AFF1: variants seen among roughly 807,000 people sequenced by gnomAD.
AFF1 encodes the protein ALF transcription elongation factor 1.
A neutral mutation model predicts 121.7 loss-of-function variants in AFF1; 48 were observed. The ratio of observed to expected loss-of-function variants is 0.39; its 90% CI spans 0.31 to 0.50. The LOEUF (loss-of-function observed/expected upper bound fraction) is 0.50. AFF1 is among the 20% of genes least tolerant of loss of function. The pLI, the probability that AFF1 is intolerant of heterozygous loss-of-function variation, is 0.76. For missense variants in AFF1, 1,523 were observed against 1,511.7 expected (o/e 1.01, Z -0.12); for synonymous variants, 613 against 563.0 (o/e 1.09, Z -1.26).
At chr4:87,111,993 C>T (rs1447324855) in intron 11 of AFF1, among the ~76,000 whole-genome samples, 2 of 152,150 alleles carry the variant, frequency 1.3e-5, no homozygotes, top group African/African-American at 4.8e-5. Context: ...CTTTTGGGTT[C>T]ACACATAAAT....
chr4:87,084,779 A>T (rs1315940386), intron 5 of AFF1, among the ~76,000 whole-genome samples: 1 of 152,090 alleles, frequency 6.6e-6, no homozygotes, highest in Non-Finnish European at 1.5e-5. Context: ...TTTGGACCAG[A>T]TTTTTATGGC....
At chr4:87,082,031 G>A (rs1439375224) in intron 4 of AFF1, among the ~76,000 whole-genome samples, 1 of 152,106 alleles carries the variant, frequency 6.6e-6, no homozygotes, top group Non-Finnish European at 1.5e-5. Flanking sequence ...TGAAATCACT[G>A]TGTTGGAAAC....
chr4:86,992,832 G>A (rs190717488), intron 2 of AFF1, among the ~76,000 whole-genome samples: 8 of 152,122 alleles, frequency 5.3e-5, no homozygotes, highest in South Asian at 2.1e-4. Flanking sequence ...ATCCTTGATC[G>A]TGAAAATATG....
chr4:87,028,465 GA>G (rs1351227605), intron 2 of AFF1, among the ~76,000 whole-genome samples: 1 of 151,792 alleles, frequency 6.6e-6, no homozygotes, highest in Non-Finnish European at 1.5e-5. Flanking sequence ...ATGATTAGAA[GA>G]AGAGTAAACA....
intron 16 of AFF1, among the ~76,000 whole-genome samples, chr4:87,130,815 A>G (rs2149799448): frequency 6.6e-6 from 1 of 152,360 alleles, no homozygotes; most frequent in South Asian, 2.1e-4. Flanking sequence ...TTACTGCCTT[A>G]GTTTGCGTAT....
At chr4:86,938,753 T>C (rs1321892559) in intron 1 of AFF1, among the ~76,000 whole-genome samples, 1 of 152,244 alleles carries the variant, frequency 6.6e-6, no homozygotes, top group African/African-American at 2.4e-5. Context: ...CCATTATTCA[T>C]GATTGTTTAT....
At chr4:87,059,159 A>G (rs569258747) in intron 4 of AFF1, among the ~76,000 whole-genome samples, 2 of 152,306 alleles carry the variant, frequency 1.3e-5, no homozygotes, top group East Asian at 3.9e-4. Flanking sequence ...GCTCACGAAC[A>G]CCAGAGTGAT....
At chr4:86,972,647 C>T (rs1385754572) in intron 2 of AFF1, among the ~76,000 whole-genome samples, 5 of 152,112 alleles carry the variant, frequency 3.3e-5, no homozygotes. Context: ...AAGTGATTCT[C>T]TTGCCTCAGC....
chr4:86,969,879 C>CAAAAAAAAGAAAAAAAAA (rs1722815292), intron 2 of AFF1, among the ~76,000 whole-genome samples: 1 of 63,610 alleles, frequency 1.6e-5, no homozygotes, highest in African/African-American at 5.4e-5. Context: ...GACTCCGTCT[C>CAAAAAAAAGAAAAAAAAA]AAAAAAAAAA....
chr4:87,046,508 C>T (rs1322181238), intron 3 of AFF1, among the ~76,000 whole-genome samples, 187 bp from the exon 4 acceptor site: 1 of 152,162 alleles, frequency 6.6e-6, no homozygotes, highest in Non-Finnish European at 1.5e-5. Context: ...TGCTAGTCTT[C>T]TACAGTTAGT....
In AFF1 at chr4:87,140,094, C is replaced by T. The variant is rs1387453405; in HGVS notation, c.*4393C>T. On this transcript the variant is annotated 3_prime_UTR_variant, in exon 21 of 21. Coordinates refer to ENST00000395146, the MANE Select transcript of AFF1 (RefSeq NM_001166693.3). ...GGGAAACCCTACAGCTCCTTGTGAG[C>T]CTATATATTAGTATATCGGCCTGGA... 9.8e-6 allele frequency: 2 copies of T among 204,854 alleles called. No homozygotes were observed. Among genetic ancestry groups the T allele is most frequent in the East Asian group, 7.4e-5 (1 of 13,518 alleles). 12.7% of individuals were successfully genotyped at this position (204,854 alleles called of 1,614,324 possible).
At chr4:86,983,224 C>G (rs952064348) in intron 2 of AFF1, among the ~76,000 whole-genome samples, 3 of 152,016 alleles carry the variant, frequency 2.0e-5, no homozygotes, top group African/African-American at 4.8e-5. Context: ...AACCCTCTCT[C>G]TACTAAAAAT....
At chr4:86,966,080 T>TA (rs1304042443) in intron 2 of AFF1, among the ~76,000 whole-genome samples, 4 of 151,182 alleles carry the variant, frequency 2.6e-5, no homozygotes, top group African/African-American at 9.7e-5. Flanking sequence ...TTTTTTTTTT[T>TA]AAGTTCTGGG....
At chr4:86,937,777 TGGGGTG>T (rs1023407274) in intron 1 of AFF1, among the ~76,000 whole-genome samples, 10 of 19,478 alleles carry the variant, frequency 5.1e-4, no homozygotes, top group African/African-American at 1.9e-3. Context: ...AGAGATGGCT[TGGGGTG>T]GGGGTGGGGG....
intron 2 of AFF1, among the ~76,000 whole-genome samples, chr4:86,996,066 C>G (rs1330567562): frequency 6.6e-6 from 1 of 151,618 alleles, no homozygotes; most frequent in East Asian, 2.0e-4. Flanking sequence ...TGAGGAGCGT[C>G]TCTGCCCGGC....
rs1410674568 is a variant in AFF1, at chr4:87,138,318, C to G, written c.*2617C>G. On this transcript the variant is annotated 3_prime_UTR_variant, in exon 21 of 21. Transcript: ENST00000395146. The stretch of plus-strand genomic sequence containing the variant: ...TTTTTCACTGCATGCTTACAATTCC[C>G]AAAGGCAAAATCTGTACTGAGGTAG... The G allele has an allele frequency of 1.3e-5, 3 of 232,062 alleles. No individual in the cohort carries two copies. Among genetic ancestry groups the G allele is most frequent in the Non-Finnish European group, 2.6e-5 (3 of 117,482 alleles). The allele number at this position is 232,062 out of a possible 1,614,324, so 14.4% of individuals were successfully genotyped here.
Position 87,132,420 on chromosome 4 carries a change from T to A in AFF1, c.3311+12T>A, listed in dbSNP as rs1334682505. 5.0e-6 allele frequency: 8 copies of A among 1,586,620 alleles called. No individual in the cohort carries two copies. In the African/African-American group the frequency reaches 8.2e-5, roughly 16 times the overall value. ...CCATGCATTGCAAGGTAACTCTAAG[T>A]CTAATATAAATAATTTCCAGAATTG... On this transcript the variant is annotated intron_variant, in intron 19 of 20. Coordinates refer to ENST00000395146, the MANE Select transcript of AFF1 (RefSeq NM_001166693.3).
At chr4:86,953,422 A>C (rs13112444) in intron 2 of AFF1, among the ~76,000 whole-genome samples, 9,736 of 152,324 alleles carry the variant, frequency 0.064, 431 homozygotes, top group Non-Finnish European at 0.091. Context: ...CTAATCATTC[A>C]AACTAAATTG....
intron 4 of AFF1, among the ~76,000 whole-genome samples, chr4:87,065,845 G>A (rs1156973592): frequency 6.6e-6 from 1 of 152,068 alleles, no homozygotes; most frequent in African/African-American, 2.4e-5. Context: ...CTTAATAAAT[G>A]TTTTTGGTAC....
Sources: gnomAD v4.1 joint callset for allele counts (sites outside exome capture counted in the v4.1 genomes callset) on GRCh38, gnomAD v4.1.1 for gene constraint, MANE v1.5 for transcripts, NCBI Gene and HGNC (gene_info 2026-07-23, HGNC 2026-07-21) for gene names.